The following DOK6 variants were observed in gnomAD, a reference collection of about 807,000 sequenced individuals.
The protein encoded by DOK6 is downstream of tyrosine kinase 6.
In DOK6, 22 loss-of-function variants were observed where a neutral mutation model predicts 44.0. The ratio of observed to expected loss-of-function variants is 0.50; its 90% CI spans 0.36 to 0.71. The LOEUF is 0.71. DOK6 is among the 30% of genes least tolerant of loss of function. The pLI is 0.00. For missense variants in DOK6, 340 were observed against 416.4 expected (o/e 0.82, Z 1.60); for synonymous variants, 166 against 145.5 (o/e 1.14, Z -1.01).
chr18:69,578,098 A>G (rs1983280872), intron 2 of DOK6, among the ~76,000 whole-genome samples: 1 of 152,150 alleles, frequency 6.6e-6, no homozygotes, highest in African/African-American at 2.4e-5. Context: ...TTATTTAAAA[A>G]GAAAAATACC....
intron 1 of DOK6, among the ~76,000 whole-genome samples, chr18:69,556,485 TA>T (rs1206141059): frequency 6.6e-6 from 1 of 152,082 alleles, no homozygotes; most frequent in Non-Finnish European, 1.5e-5. Flanking sequence ...AAAATTAAAA[TA>T]AAAAAAGCTA....
At chr18:69,830,763 T>C (rs1001363659) in intron 7 of DOK6, among the ~76,000 whole-genome samples, 5 of 152,170 alleles carry the variant, frequency 3.3e-5, no homozygotes, top group African/African-American at 1.2e-4. Context: ...TTACTTCTTC[T>C]CTGAAGCTGT....
At chr18:69,754,377 C>T (rs1395731497) in intron 6 of DOK6, among the ~76,000 whole-genome samples, 2 of 145,776 alleles carry the variant, frequency 1.4e-5, no homozygotes, top group African/African-American at 2.5e-5. Flanking sequence ...AAGAAGTTAT[C>T]AAGAGTGCTT....
intron 1 of DOK6, among the ~76,000 whole-genome samples, chr18:69,514,117 T>C (rs1012886190): frequency 2.6e-5 from 4 of 152,222 alleles, no homozygotes; most frequent in African/African-American, 9.6e-5. Context: ...GAAATTTTCT[T>C]GAAATTATTT....
intron 1 of DOK6, among the ~76,000 whole-genome samples, chr18:69,528,555 C>T (rs1288125320): frequency 6.7e-6 from 1 of 150,178 alleles, no homozygotes; most frequent in Non-Finnish European, 1.5e-5. Context: ...AAGAATACTT[C>T]TCCTAAGGAA....
rs568432049 is a variant in DOK6 at position 69,676,017 on chromosome 18, A to G, written c.290-1717A>G. Among the ~76,000 whole-genome samples, 364 of 152,188 alleles carry G rather than the reference A, an allele frequency of 2.4e-3. 2 individuals carry two copies. Among genetic ancestry groups the G allele is most frequent in the African/African-American group, 8.2e-3 (341 of 41,516 alleles). On this transcript the variant is annotated intron_variant, in intron 3 of 7. Transcript: ENST00000382713. ...GGTAGCCTTGTGGTTGGAAAGGATTATTTTCTGGGTTCCTAAGGAAATGCC... is the reference window on the plus strand; with the variant it reads ...GGTAGCCTTGTGGTTGGAAAGGATTGTTTTCTGGGTTCCTAAGGAAATGCC...
At chr18:69,733,873 T>C (rs1254780860) in intron 5 of DOK6, among the ~76,000 whole-genome samples, 3 of 152,180 alleles carry the variant, frequency 2.0e-5, no homozygotes, top group Non-Finnish European at 4.4e-5. Flanking sequence ...TTCTAAAATA[T>C]GTTGCTAGAT....
chr18:69,704,206 A>C (rs1204095105), intron 5 of DOK6, among the ~76,000 whole-genome samples: 1 of 152,164 alleles, frequency 6.6e-6, no homozygotes, highest in Admixed American at 6.5e-5. Context: ...TTAATAGCCC[A>C]CCACCCAGAA....
At chr18:69,742,721 G>C (rs1236074440) in intron 6 of DOK6, among the ~76,000 whole-genome samples, 2 of 152,338 alleles carry the variant, frequency 1.3e-5, no homozygotes, top group East Asian at 3.9e-4. Flanking sequence ...AAGTAGCCCA[G>C]AATTGTGTGG....
At chr18:69,689,108 C>T (rs1463968186) in intron 4 of DOK6, among the ~76,000 whole-genome samples, 5 of 152,024 alleles carry the variant, frequency 3.3e-5, no homozygotes, top group Admixed American at 6.5e-5. Flanking sequence ...TCATGATGTG[C>T]GGGTATCAGT....
intron 3 of DOK6, among the ~76,000 whole-genome samples, chr18:69,649,173 T>A (rs2144661183): frequency 6.6e-6 from 1 of 152,310 alleles, no homozygotes; most frequent in East Asian, 1.9e-4. Context: ...TTTTTTCCAA[T>A]ACCTATCACT....
chr18:69,502,785 C>A (rs2144549615), intron 1 of DOK6, among the ~76,000 whole-genome samples: 1 of 152,186 alleles, frequency 6.6e-6, no homozygotes, highest in Non-Finnish European at 1.5e-5. Context: ...TTATAAAGTA[C>A]TATGAATAAT....
chr18:69,640,466 T>G (rs932929254), intron 3 of DOK6, among the ~76,000 whole-genome samples: 8 of 152,124 alleles, frequency 5.3e-5, no homozygotes, highest in African/African-American at 1.9e-4. Flanking sequence ...CCATTAGGAA[T>G]CTGTGTTTCC....
chr18:69,573,180 T>C (rs1361785557), intron 2 of DOK6, among the ~76,000 whole-genome samples: 1 of 151,744 alleles, frequency 6.6e-6, no homozygotes, highest in Non-Finnish European at 1.5e-5. Context: ...GTAGGTTGGA[T>C]AAAAATTAAT....
At position 69,814,730 on chromosome 18, in the gene DOK6, G is replaced by A. The variant is rs117608543; in HGVS notation, c.857-26514G>A. Among the ~76,000 whole-genome samples, 1,394 of 152,108 alleles carry A rather than the reference G, an allele frequency of 9.2e-3. 22 individuals are homozygous for A. The highest frequency in any genetic ancestry group is 0.07 in the East Asian group (359 of 5,164). On this transcript the variant is annotated intron_variant, in intron 7 of 7. Coordinates refer to ENST00000382713, the MANE Select transcript of DOK6 (RefSeq NM_152721.6). ...AGAGAGTGCAAGGGGAAAGTGTCACGCACTTTTAAACCACCAGGTCTCATG... is the reference window on the plus strand; with the variant it reads ...AGAGAGTGCAAGGGGAAAGTGTCACACACTTTTAAACCACCAGGTCTCATG...
intron 1 of DOK6, among the ~76,000 whole-genome samples, chr18:69,435,048 A>AAGGG: frequency 6.9e-6 from 1 of 144,226 alleles, no homozygotes; most frequent in Non-Finnish European, 1.5e-5. Context: ...GGAAGGAAGG[A>AAGGG]AGGAAGGAAG....
chr18:69,421,830 C>T (rs916173987), intron 1 of DOK6, among the ~76,000 whole-genome samples: 2 of 152,270 alleles, frequency 1.3e-5, no homozygotes, highest in Admixed American at 1.3e-4. Context: ...TGTGGGGTTA[C>T]CAGGCTGATG....
intron 1 of DOK6, among the ~76,000 whole-genome samples, chr18:69,509,293 C>G (rs953720627): frequency 6.6e-6 from 1 of 152,126 alleles, no homozygotes; most frequent in Non-Finnish European, 1.5e-5. Flanking sequence ...ATTCAACCAC[C>G]TTTCAAAATC....
intron 3 of DOK6, among the ~76,000 whole-genome samples, chr18:69,605,127 T>TGTGTGC (rs1983967051): frequency 6.7e-6 from 1 of 149,654 alleles, no homozygotes; most frequent in African/African-American, 2.5e-5. Context: ...TGTGTGTGTG[T>TGTGTGC]TTCAGAATCA....
Sources: gnomAD v4.1 joint callset for allele counts (sites outside exome capture counted in the v4.1 genomes callset) on GRCh38, gnomAD v4.1.1 for gene constraint, MANE v1.5 for transcripts, NCBI Gene and HGNC (gene_info 2026-07-23, HGNC 2026-07-21) for gene names.